Variants in PDE3B observed in about 807,000 individuals in gnomAD.
The protein encoded by PDE3B is phosphodiesterase 3B, also known as cGMP-inhibited 3',5'-cyclic phosphodiesterase 3B.
A neutral mutation model predicts 116.8 loss-of-function variants in PDE3B; 66 were observed. The ratio of observed to expected loss-of-function variants is 0.56; its 90% confidence interval spans 0.46 to 0.69. The LOEUF is 0.69. PDE3B is among the 30% of genes least tolerant of loss of function. The pLI is 0.00. For missense variants in PDE3B, 1,384 were observed against 1,368.1 expected (o/e 1.01, Z -0.18); for synonymous variants, 595 against 533.6 (o/e 1.12, Z -1.59).
chr11:14,878,367 TGGATGTCATTCA>T, the PDE3B span: 2 of 1,406,782 alleles, frequency 1.4e-6, no homozygotes, highest in Non-Finnish European at 2.0e-6. Flanking sequence ...GTCTAATATT[TGGATGTCATTCA>T]GGAAATCTGG....
At chr11:14,748,258 A>G (rs1044431358) in intron 1 of PDE3B, among the ~76,000 whole-genome samples, 5 of 152,178 alleles carry the variant, frequency 3.3e-5, no homozygotes, top group Non-Finnish European at 5.9e-5. Context: ...TCTGTGACCT[A>G]TTAATTGTTC....
chr11:14,675,110 T>C (rs1046587116), intron 1 of PDE3B, among the ~76,000 whole-genome samples: 2 of 152,200 alleles, frequency 1.3e-5, no homozygotes, highest in African/African-American at 4.8e-5. Context: ...TAGGTTGATA[T>C]AATTCTTCAT....
At chr11:14,678,616 T>C (rs1433837863) in intron 1 of PDE3B, among the ~76,000 whole-genome samples, 1 of 152,168 alleles carries the variant, frequency 6.6e-6, no homozygotes, top group Non-Finnish European at 1.5e-5. Context: ...TTTTTATGGG[T>C]TTATTTACAT....
At chr11:14,881,750 T>C in the PDE3B span, among the ~76,000 whole-genome samples, 483 of 152,242 alleles carry the variant, frequency 3.2e-3, 4 homozygotes, top group Middle Eastern at 0.041. Flanking sequence ...CTTTCCTCAA[T>C]GCCTTCTGCC....
chr11:14,685,326 C>A (rs1303825078), intron 1 of PDE3B, among the ~76,000 whole-genome samples: 1 of 152,056 alleles, frequency 6.6e-6, no homozygotes, highest in Admixed American at 6.6e-5. Context: ...TTGCACCACT[C>A]CCCCTGCCCC....
intron 1 of PDE3B, among the ~76,000 whole-genome samples, chr11:14,657,124 G>C (rs1181906116): frequency 6.6e-6 from 1 of 152,206 alleles, no homozygotes; most frequent in Admixed American, 6.5e-5. Flanking sequence ...AGCTGCTACA[G>C]TCATAATTTA....
In PDE3B at chr11:14,644,247, G is replaced by A. The variant is rs772186887; in HGVS notation, c.172G>A (p.Glu58Lys). 2 of 1,577,452 alleles carry A rather than the reference G, an allele frequency of 1.3e-6. No individual in the cohort carries two copies. Among genetic ancestry groups the A allele is most frequent in the Non-Finnish European group, 1.7e-6 (2 of 1,169,364 alleles). The change falls in exon 1 of 16, where the codon GAG (glutamate) becomes AAG (lysine). Residue 58 changes from glutamate (E) to lysine (K), a missense_variant. Glu to Lys is a moderately conservative substitution (Grantham distance 56, BLOSUM62 1). This residue lies in a region of PDE3B where 956 missense variants were observed against 806.8 expected (regional missense o/e 1.18). Transcript: ENST00000282096. Reference sequence around the variant, plus strand: ...CCACCTCTGCCGCTTCTGCAACGTGGAGCTGCGGCCGCCGCCGGCCTCTCC... The same window carrying A: ...CCACCTCTGCCGCTTCTGCAACGTGAAGCTGCGGCCGCCGCCGGCCTCTCC... Reference protein sequence around the residue: ...FFHLCRFCNVELRPPPASPQQ... With the variant: ...FFHLCRFCNVKLRPPPASPQQ...
chr11:14,767,896 T>C (rs935191344), intron 1 of PDE3B, among the ~76,000 whole-genome samples: 2 of 151,268 alleles, frequency 1.3e-5, no homozygotes, highest in African/African-American at 2.4e-5. Flanking sequence ...AAAAATATCA[T>C]ATATATATTT....
At chr11:14,844,322 T>G (rs759261561) in intron 12 of PDE3B, among the ~76,000 whole-genome samples, 1 of 152,218 alleles carries the variant, frequency 6.6e-6, no homozygotes, top group Non-Finnish European at 1.5e-5. Context: ...CCAGCAAAAC[T>G]CTGACTGTAT....
At chr11:14,820,926 A>G (rs1859498513) in intron 7 of PDE3B, among the ~76,000 whole-genome samples, 1 of 152,224 alleles carries the variant, frequency 6.6e-6, no homozygotes, top group African/African-American at 2.4e-5. Context: ...GAACTAAGGC[A>G]TTTTACAATG....
chr11:14,660,518 G>A (rs1252289876), intron 1 of PDE3B, among the ~76,000 whole-genome samples: 1 of 151,722 alleles, frequency 6.6e-6, no homozygotes, highest in African/African-American at 2.4e-5. Context: ...TGCCCACGCT[G>A]GTCTTGAACT....
intron 1 of PDE3B, among the ~76,000 whole-genome samples, chr11:14,741,506 G>A (rs902898410): frequency 1.3e-5 from 2 of 152,028 alleles, no homozygotes; most frequent in Non-Finnish European, 2.9e-5. Flanking sequence ...TGGGTCTCCT[G>A]AATACAGCAC....
chr11:14,732,089 G>A (rs1336521794), intron 1 of PDE3B, among the ~76,000 whole-genome samples: 2 of 152,084 alleles, frequency 1.3e-5, no homozygotes, highest in Non-Finnish European at 2.9e-5. Context: ...GGAGACATGC[G>A]GATGTCTTGG....
In PDE3B at chr11:14,644,148, G is replaced by T. The variant is rs1328000930; in HGVS notation, c.73G>T (p.Glu25Ter). The T allele has an allele frequency of 6.3e-7, 1 of 1,592,006 alleles. No homozygotes were observed. Among genetic ancestry groups the T allele is most frequent in the South Asian group, 1.1e-5 (1 of 89,920 alleles). The change falls in exon 1 of 16, where the codon GAG becomes TAG. Residue 25 changes from glutamate to a stop codon, truncating the protein, a stop_gained. Coordinates refer to ENST00000282096, the MANE Select transcript of PDE3B (RefSeq NM_000922.4). LOFTEE classifies it high-confidence loss of function. ...GCCGGATGGGGCCGGCTCGCCCCCC[G>T]AGAGTCTGAGGAACGGCTACGTGAA... The part of the protein sequence containing the change: ...QPPDGAGSPP[E>*]SLRNGYVKSC...
intron 1 of PDE3B, among the ~76,000 whole-genome samples, chr11:14,762,163 T>C (rs1048638822): frequency 6.6e-6 from 1 of 151,874 alleles, no homozygotes; most frequent in African/African-American, 2.4e-5. Context: ...ACTTTTTTTT[T>C]TTTTGAAATG....
At chr11:14,893,944 CAG>C in the PDE3B span, among the ~76,000 whole-genome samples, 3 of 152,146 alleles carry the variant, frequency 2.0e-5, no homozygotes, top group Non-Finnish European at 2.9e-5. Context: ...ATATTCCAAA[CAG>C]AGGAAATATC....
intron 1 of PDE3B, among the ~76,000 whole-genome samples, chr11:14,690,326 T>C (rs1217767842): frequency 6.6e-6 from 1 of 152,186 alleles, no homozygotes; most frequent in Non-Finnish European, 1.5e-5. Flanking sequence ...TAGTAGTTTG[T>C]GAACAGTTTG....
At chr11:14,716,507 C>T (rs1302428750) in intron 1 of PDE3B, among the ~76,000 whole-genome samples, 3 of 149,682 alleles carry the variant, frequency 2.0e-5, no homozygotes, top group Non-Finnish European at 4.4e-5. Context: ...CCTCTGCAGA[C>T]TTAAATGTCC....
intron 1 of PDE3B, among the ~76,000 whole-genome samples, chr11:14,702,007 T>TC (rs1590072612): frequency 1.3e-5 from 2 of 151,576 alleles, no homozygotes; most frequent in Admixed American, 6.6e-5. Context: ...TGTTTTTTTT[T>TC]CTCTTCCCTT....
Sources: allele counts gnomAD v4.1 joint callset (sites outside exome capture counted in the v4.1 genomes callset), GRCh38; gene constraint gnomAD v4.1.1; regional missense constraint gnomAD v4.1.1; transcripts MANE v1.5; gene names NCBI Gene and HGNC (gene_info 2026-07-23, HGNC 2026-07-21).